ARSB: variants seen among roughly 807,000 people sequenced by gnomAD.
ARSB encodes N-acetylgalactosamine-4-sulfatase.
In ARSB, 41 loss-of-function variants were observed where a neutral mutation model predicts 50.9. The ratio of observed to expected loss-of-function variants is 0.81; its 90% CI spans 0.63 to 1.04. The LOEUF (loss-of-function observed/expected upper bound fraction) is 1.04, where lower values mean the gene tolerates loss of function less well. ARSB is among the 50% of genes least tolerant of loss of function. The pLI, the probability that ARSB is intolerant of heterozygous loss-of-function variation, is 0.00. For synonymous variants in ARSB, 269 were observed against 284.8 expected (o/e 0.94, Z 0.56); for missense variants, 672 against 693.3 (o/e 0.97, Z 0.35).
intron 4 of ARSB, among the ~76,000 whole-genome samples, chr5:78,886,914 A>G (rs1010104421): frequency 6.6e-6 from 1 of 152,226 alleles, no homozygotes; most frequent in African/African-American, 2.4e-5. Flanking sequence ...AAAGAGAATG[A>G]ACACTTGTTA....
chr5:78,788,105 A>C (rs1749141367), intron 6 of ARSB, among the ~76,000 whole-genome samples: 2 of 152,220 alleles, frequency 1.3e-5, no homozygotes, highest in Non-Finnish European at 2.9e-5. Context: ...AGCTTGATGA[A>C]TGAGCAGAAG....
At chr5:78,812,612 CACACACACACACACACACAT>C (rs1317534252) in intron 6 of ARSB, among the ~76,000 whole-genome samples, 1 of 150,484 alleles carries the variant, frequency 6.6e-6, no homozygotes, top group South Asian at 2.1e-4. Flanking sequence ...CACACACACA[CACACACACACACACACACAT>C]GATATCACAA....
chr5:78,886,849 A>G (rs1343483207), intron 4 of ARSB, among the ~76,000 whole-genome samples: 1 of 152,206 alleles, frequency 6.6e-6, no homozygotes, highest in Non-Finnish European at 1.5e-5. Context: ...TGTTACATAT[A>G]AAAATTTATT....
intron 4 of ARSB, among the ~76,000 whole-genome samples, chr5:78,920,557 G>A (rs987800066): frequency 2.6e-5 from 4 of 152,104 alleles, no homozygotes; most frequent in African/African-American, 7.2e-5. Context: ...GCTAGCCACA[G>A]GCCATACCTG....
At chr5:78,958,013 C>T (rs6861970) in intron 3 of ARSB, among the ~76,000 whole-genome samples, 1,543 of 151,436 alleles carry the variant, frequency 0.01, 18 homozygotes, top group Middle Eastern at 0.035. Flanking sequence ...TATAAAAAAA[C>T]TTTTTTGGAA....
chr5:78,810,441 AAGAGATTGTCT>A (rs1410383817), intron 6 of ARSB, among the ~76,000 whole-genome samples: 7 of 152,216 alleles, frequency 4.6e-5, no homozygotes, highest in Non-Finnish European at 1.0e-4. Flanking sequence ...TTGCTTTGGA[AAGAGATTGTCT>A]AGAGAATTTG....
chr5:78,844,930 T>C (rs1375792089), intron 5 of ARSB, among the ~76,000 whole-genome samples: 3 of 152,128 alleles, frequency 2.0e-5, no homozygotes, highest in Non-Finnish European at 2.9e-5. Context: ...ATACAATAAA[T>C]TGTTGTTAAT....
chr5:78,780,824 C>G (rs746722100), intron 7 of ARSB, among the ~76,000 whole-genome samples, 162 bp from the exon 8 acceptor site: 2 of 152,082 alleles, frequency 1.3e-5, no homozygotes, highest in Non-Finnish European at 2.9e-5. Flanking sequence ...GACTTGACTT[C>G]TGGTGCTTTA....
chr5:78,799,855 AAT>A (rs1384863799), intron 6 of ARSB, among the ~76,000 whole-genome samples: 1 of 152,148 alleles, frequency 6.6e-6, no homozygotes, highest in Non-Finnish European at 1.5e-5. Context: ...GCAGATGAAA[AAT>A]CTGGATAGAA....
At chr5:78,844,739 C>CTTTTTTTATTATGTTTTTTTTTTTT (rs1745369137) in intron 5 of ARSB, among the ~76,000 whole-genome samples, 1 of 151,906 alleles carries the variant, frequency 6.6e-6, no homozygotes, top group South Asian at 2.1e-4. Flanking sequence ...TCATTATCTT[C>CTTTTTTTATTATGTTTTTTTTTTTT]TTTTTTTATT....
At chr5:78,780,761 G>A in intron 7 of ARSB, 99 bp from the exon 8 acceptor site, 3 of 1,436,650 alleles carry the variant, frequency 2.1e-6, no homozygotes, top group Non-Finnish European at 1.9e-6. Context: ...TGGGTTGTGG[G>A]TGTGGAAACA....
At chr5:78,898,011 T>C (rs1748650186) in intron 4 of ARSB, among the ~76,000 whole-genome samples, 2 of 152,164 alleles carry the variant, frequency 1.3e-5, no homozygotes, top group Admixed American at 1.3e-4. Context: ...CTGACGCCTG[T>C]AATCCCAGCA....
intron 4 of ARSB, among the ~76,000 whole-genome samples, chr5:78,943,718 C>T (rs1314415737): frequency 1.3e-5 from 2 of 152,150 alleles, no homozygotes; most frequent in Admixed American, 1.3e-4. Context: ...ACATTTTTTC[C>T]TTCATTTCAA....
chr5:78,939,434 C>T (rs1472422005), intron 4 of ARSB, among the ~76,000 whole-genome samples: 3 of 151,998 alleles, frequency 2.0e-5, no homozygotes, highest in Non-Finnish European at 4.4e-5. Flanking sequence ...CTCACCCCTT[C>T]CCCCGACCCC....
At position 78,876,162 on chromosome 5, in the gene ARSB, T is replaced by A. The variant is rs539824962; in HGVS notation, c.1142+9422A>T. Among the ~76,000 whole-genome samples the A allele has an allele frequency of 1.3e-4, 20 of 151,942 alleles. No individual in the cohort carries two copies. The South Asian group carries it at 4.1e-3, about 31-fold the overall frequency. ...TGGTAACATTAAACATAATTAAATA[T>A]ATATATATAAAATTTCGCAACATGT... On this transcript the variant is annotated intron_variant, in intron 5 of 7. Transcript: ENST00000264914.
chr5:78,960,007 G>A (rs1052503981), intron 3 of ARSB, among the ~76,000 whole-genome samples: 1 of 152,158 alleles, frequency 6.6e-6, no homozygotes, highest in African/African-American at 2.4e-5. Context: ...CATCACTGGA[G>A]CCTGATCTCT....
chr5:78,975,912 A>G (rs894654963), intron 1 of ARSB, among the ~76,000 whole-genome samples: 1 of 152,238 alleles, frequency 6.6e-6, no homozygotes, highest in Non-Finnish European at 1.5e-5. Context: ...GGAATAACAA[A>G]GGTATAATGA....
intron 4 of ARSB, among the ~76,000 whole-genome samples, chr5:78,935,391 T>G (rs1750530949): frequency 6.6e-6 from 1 of 152,208 alleles, no homozygotes; most frequent in Non-Finnish European, 1.5e-5. Context: ...ACATTCCTGA[T>G]GCTCATTAAC....
chr5:78,843,517 T>A (rs1324174430), intron 5 of ARSB, among the ~76,000 whole-genome samples: 1 of 152,216 alleles, frequency 6.6e-6, no homozygotes, highest in Non-Finnish European at 1.5e-5. Flanking sequence ...AGCCTGGGCA[T>A]AAAGATTTAT....
Sources: gnomAD v4.1 joint callset for allele counts (sites outside exome capture counted in the v4.1 genomes callset) on GRCh38, gnomAD v4.1.1 for gene constraint, MANE v1.5 for transcripts, NCBI Gene and HGNC (gene_info 2026-07-23, HGNC 2026-07-21) for gene names.